The following DPYD variants were observed in gnomAD, a reference collection of about 807,000 sequenced individuals.
DPYD encodes the protein dihydropyrimidine dehydrogenase [NADP(+)].
In DPYD, 109 loss-of-function variants were observed where a neutral mutation model predicts 116.2. The ratio of observed to expected loss-of-function variants is 0.94; its 90% CI spans 0.80 to 1.10. DPYD has a LOEUF of 1.10. Among genes scored for constraint, DPYD ranks in the 50% least tolerant of loss-of-function variants. The pLI is 0.00. For synonymous variants in DPYD, 440 were observed against 432.0 expected (o/e 1.02, Z -0.23); for missense variants, 1,302 against 1,254.5 (o/e 1.04, Z -0.57).
intron 16 of DPYD, among the ~76,000 whole-genome samples, chr1:97,326,174 T>C (rs1156816697): frequency 6.6e-6 from 1 of 151,690 alleles, no homozygotes; most frequent in Non-Finnish European, 1.5e-5. Context: ...CAAATCAGAG[T>C]TGGGGAATGA....
chr1:97,145,612 C>T (rs1431295636), intron 20 of DPYD, among the ~76,000 whole-genome samples: 1 of 152,058 alleles, frequency 6.6e-6, no homozygotes, highest in Admixed American at 6.6e-5. Context: ...TTATAATAAG[C>T]ACTAAAATAT....
intron 16 of DPYD, among the ~76,000 whole-genome samples, chr1:97,371,011 C>T (rs1287817723): frequency 1.3e-5 from 2 of 152,068 alleles, no homozygotes; most frequent in Non-Finnish European, 2.9e-5. Flanking sequence ...ACGGCCTTCC[C>T]TCTTCATAAA....
chr1:97,875,236 C>A (rs899633350), intron 2 of DPYD, among the ~76,000 whole-genome samples: 10 of 151,788 alleles, frequency 6.6e-5, no homozygotes, highest in South Asian at 2.1e-4. Flanking sequence ...AAAGAAAAGC[C>A]AGGCAGGAAT....
intron 14 of DPYD, among the ~76,000 whole-genome samples, chr1:97,440,188 C>T (rs898708820): frequency 7.3e-5 from 11 of 150,506 alleles, no homozygotes; most frequent in Admixed American, 4.6e-4. Context: ...GGCCTTGAAC[C>T]GGGAGGCAAA....
chr1:97,367,180 G>A (rs12403997), intron 16 of DPYD, among the ~76,000 whole-genome samples: 9,057 of 151,922 alleles, frequency 0.06, 372 homozygotes, highest in East Asian at 0.18. Flanking sequence ...TCCTGATGAC[G>A]GACGTCTGCT....
intron 5 of DPYD, chr1:97,720,289 T>C (rs1189623418): frequency 4.1e-6 from 4 of 985,564 alleles, no homozygotes; most frequent in Non-Finnish European, 4.8e-6. Flanking sequence ...CTATGTGACC[T>C]TTCACTTACT....
rs535825329 is a variant in DPYD, at chr1:97,593,719, C to T, written c.959-332G>A. 7.9e-5 allele frequency among the ~76,000 whole-genome samples: 12 copies of T among 152,246 alleles called. No individual in the cohort carries two copies. In the South Asian group the frequency reaches 2.3e-3, roughly 29 times the overall value. On this transcript the variant is annotated intron_variant, in intron 9 of 22. Coordinates refer to ENST00000370192, the MANE Select transcript of DPYD (RefSeq NM_000110.4). ...ATTGTGCTATCTATCTTTAACTCAGCATAATTTTCCTTTTGCTAGAAGAAA... is the reference window on the plus strand; with the variant it reads ...ATTGTGCTATCTATCTTTAACTCAGTATAATTTTCCTTTTGCTAGAAGAAA...
chr1:97,693,973 A>G (rs1661166257), intron 6 of DPYD, among the ~76,000 whole-genome samples: 1 of 152,172 alleles, frequency 6.6e-6, no homozygotes, highest in Non-Finnish European at 1.5e-5. Context: ...TAAAGGAAGG[A>G]ACACCTAACC....
chr1:97,091,131 G>A (rs1295923365), intron 21 of DPYD, among the ~76,000 whole-genome samples: 1 of 152,224 alleles, frequency 6.6e-6, no homozygotes, highest in African/African-American at 2.4e-5. Flanking sequence ...TCAGACAAGA[G>A]GGGCTTAGTT....
chr1:97,729,948 T>A (rs898978725), intron 4 of DPYD, among the ~76,000 whole-genome samples: 2 of 152,176 alleles, frequency 1.3e-5, no homozygotes, highest in African/African-American at 4.8e-5. Flanking sequence ...TTCATCTGTA[T>A]CAAAACCCAT....
At chr1:97,835,304 A>G (rs540590699) in intron 2 of DPYD, among the ~76,000 whole-genome samples, 50 of 152,246 alleles carry the variant, frequency 3.3e-4, no homozygotes, top group African/African-American at 1.1e-3. Context: ...GATGAAAGTA[A>G]TATTATCCAC....
At chr1:97,582,899 G>A (rs1653792726) in intron 10 of DPYD, among the ~76,000 whole-genome samples, 1 of 152,142 alleles carries the variant, frequency 6.6e-6, no homozygotes, top group Non-Finnish European at 1.5e-5. Context: ...ATAATTTAGA[G>A]GCTTAAAATG....
intron 20 of DPYD, among the ~76,000 whole-genome samples, chr1:97,166,726 C>T (rs541653508): frequency 1.8e-4 from 28 of 152,290 alleles, no homozygotes; most frequent in Non-Finnish European, 3.4e-4. Context: ...GCTACCTATT[C>T]CTTCCACACT....
chr1:97,306,432 AT>A, intron 16 of DPYD, 135 bp from the exon 17 acceptor site: 1 of 1,196,386 alleles, frequency 8.4e-7, no homozygotes. Context: ...TATTTCTCAA[AT>A]TCCTCCTCAG....
rs543127536 is a variant in DPYD, at chr1:97,333,628, C to T, written c.2059-27331G>A. On this transcript the variant is annotated intron_variant, in intron 16 of 22. Coordinates refer to ENST00000370192, the MANE Select transcript of DPYD (RefSeq NM_000110.4). Reference sequence around the variant, plus strand: ...CTCCGCCTCCCAGGTTCAAGCCATTCTCCTGCCTCAGCCTCCCGAGTAGCC... The same window carrying T: ...CTCCGCCTCCCAGGTTCAAGCCATTTTCCTGCCTCAGCCTCCCGAGTAGCC... Among the ~76,000 whole-genome samples, 6 of 147,476 alleles carry T rather than the reference C, an allele frequency of 4.1e-5. No homozygotes were observed. In the South Asian group the frequency reaches 1.3e-3, roughly 32 times the overall value.
At chr1:97,452,096 G>A (rs1676447684) in intron 13 of DPYD, among the ~76,000 whole-genome samples, 2 of 152,106 alleles carry the variant, frequency 1.3e-5, no homozygotes, top group Admixed American at 6.6e-5. Context: ...CAACAAAACT[G>A]ATTCACGTTA....
intron 13 of DPYD, among the ~76,000 whole-genome samples, chr1:97,498,263 A>C (rs1397505251): frequency 6.6e-6 from 1 of 151,834 alleles, no homozygotes; most frequent in Non-Finnish European, 1.5e-5. Context: ...ACATTTGTGA[A>C]TATACTAAAA....
intron 16 of DPYD, among the ~76,000 whole-genome samples, chr1:97,347,936 C>G (rs1669942268): frequency 6.6e-6 from 1 of 152,092 alleles, no homozygotes; most frequent in South Asian, 2.1e-4. Context: ...TTTGGAAGGC[C>G]AGCTTTCTCT....
rs1048815334 is a variant in DPYD at position 97,078,795 on chromosome 1, G to A, written c.*181C>T. On this transcript the variant is annotated 3_prime_UTR_variant, in exon 23 of 23. Transcript: ENST00000370192. Reference sequence around the variant, plus strand: ...TTATTCTATTTTATGACCACTAATTGAATGGTCATTGACATGAGACATTTT... The same window carrying A: ...TTATTCTATTTTATGACCACTAATTAAATGGTCATTGACATGAGACATTTT... The A allele has an allele frequency of 1.5e-5, 10 of 673,130 alleles. No homozygotes were observed. The East Asian group carries it at 2.8e-4, about 19-fold the overall frequency. 41.7% of individuals were successfully genotyped at this position (673,130 alleles called of 1,614,324 possible).
Sources: allele counts gnomAD v4.1 joint callset (sites outside exome capture counted in the v4.1 genomes callset), GRCh38; gene constraint gnomAD v4.1.1; transcripts MANE v1.5; gene names NCBI Gene and HGNC (gene_info 2026-07-23, HGNC 2026-07-21).